The following COL23A1 variants were observed in gnomAD, a reference collection of about 807,000 sequenced individuals.
The protein encoded by COL23A1 is collagen alpha-1(XXIII) chain.
Under a neutral mutation model 99.3 loss-of-function variants are expected in COL23A1, and 97 were observed. That is an observed-to-expected ratio of 0.98 (90% CI 0.83 to 1.16). The LOEUF is 1.16. Among genes scored for constraint, COL23A1 ranks in the 50% most tolerant of loss-of-function variants. The pLI, the probability that COL23A1 is intolerant of heterozygous loss-of-function variation, is 0.00. For synonymous variants in COL23A1, 320 were observed against 308.2 expected (o/e 1.04, Z -0.40); for missense variants, 762 against 757.4 (o/e 1.01, Z -0.07).
intron 2 of COL23A1, among the ~76,000 whole-genome samples, chr5:178,324,005 A>G (rs1759495765): frequency 6.6e-6 from 1 of 152,172 alleles, no homozygotes; most frequent in Admixed American, 6.5e-5. Context: ...AGAAAAAGAA[A>G]TGTGACGGCC....
intron 1 of COL23A1, among the ~76,000 whole-genome samples, chr5:178,587,869 G>A (rs1274964817): frequency 2.0e-5 from 3 of 152,088 alleles, no homozygotes; most frequent in African/African-American, 4.8e-5. Flanking sequence ...GAAACAGGCT[G>A]GTACCCTAAG....
At chr5:178,376,632 T>G (rs1763084567) in intron 2 of COL23A1, among the ~76,000 whole-genome samples, 1 of 152,178 alleles carries the variant, frequency 6.6e-6, no homozygotes, top group South Asian at 2.1e-4. Flanking sequence ...TTACTTCCAT[T>G]TAATAGAAGA....
intron 11 of COL23A1, among the ~76,000 whole-genome samples, chr5:178,260,858 G>A (rs1471825783): frequency 6.6e-6 from 1 of 152,218 alleles, no homozygotes; most frequent in Non-Finnish European, 1.5e-5. Flanking sequence ...AACAGGCGGA[G>A]AACAGAGCAT....
chr5:178,559,316 C>T (rs561286901), intron 2 of COL23A1, among the ~76,000 whole-genome samples: 2 of 152,334 alleles, frequency 1.3e-5, no homozygotes, highest in East Asian at 3.9e-4. Flanking sequence ...GGTTTCCGGA[C>T]ACTTGGCTAA....
At position 178,387,733 on chromosome 5, in the gene COL23A1, G is replaced by T. The variant is rs951939107; in HGVS notation, c.362-80814C>A. ...CTAATGAATGAACGAACGACAATGA[G>T]GCAGTGGGTCTGAGTTCTCCCTACA... On this transcript the variant is annotated intron_variant, in intron 2 of 28. Coordinates refer to ENST00000390654, the MANE Select transcript of COL23A1 (RefSeq NM_173465.4). This position sits in a 1 kb window ranked among gnomAD's most constrained non-coding sequence, Gnocchi z 4.7. Among the ~76,000 whole-genome samples, 2 of 152,194 alleles carry T rather than the reference G, an allele frequency of 1.3e-5. No homozygotes were observed. The highest frequency in any genetic ancestry group is 4.8e-5 in the African/African-American group (2 of 41,438).
intron 2 of COL23A1, among the ~76,000 whole-genome samples, chr5:178,350,631 G>A (rs1420772273): frequency 1.3e-5 from 2 of 152,206 alleles, no homozygotes; most frequent in African/African-American, 4.8e-5. Context: ...GTGTGGATAT[G>A]TTGCAATGAC....
chr5:178,279,810 C>G (rs528060754), intron 5 of COL23A1, among the ~76,000 whole-genome samples: 1 of 152,218 alleles, frequency 6.6e-6, no homozygotes, highest in Non-Finnish European at 1.5e-5. Flanking sequence ...CTTCTGACTT[C>G]GACTCACACC....
intron 18 of COL23A1, among the ~76,000 whole-genome samples, chr5:178,249,716 A>ACTCACTCT (rs1554125190): frequency 4.2e-4 from 39 of 92,806 alleles, no homozygotes; most frequent in Non-Finnish European, 7.2e-4. Flanking sequence ...ACACACACAC[A>ACTCACTCT]CTCTCTCTCT....
At chr5:178,358,417 A>ATGTGTG (rs879041871) in intron 2 of COL23A1, among the ~76,000 whole-genome samples, 1 of 111,502 alleles carries the variant, frequency 9.0e-6, no homozygotes, top group Non-Finnish European at 2.0e-5. Context: ...GTGTATGTGT[A>ATGTGTG]TGTGTGTGTA....
At chr5:178,477,258 T>C (rs1757081070) in intron 2 of COL23A1, among the ~76,000 whole-genome samples, 1 of 152,156 alleles carries the variant, frequency 6.6e-6, no homozygotes, top group South Asian at 2.1e-4. Context: ...CATGAAGTCA[T>C]CTTGGGGCTC....
intron 3 of COL23A1, among the ~76,000 whole-genome samples, chr5:178,305,499 C>T (rs534324797): frequency 6.6e-6 from 1 of 152,214 alleles, no homozygotes; most frequent in Non-Finnish European, 1.5e-5. Flanking sequence ...GGCATTCATT[C>T]GTTCGCTGTT....
chr5:178,240,396 C>T (rs1055990954), intron 27 of COL23A1, among the ~76,000 whole-genome samples: 1 of 152,152 alleles, frequency 6.6e-6, no homozygotes, highest in Non-Finnish European at 1.5e-5. Flanking sequence ...GAGCCAAGGG[C>T]CCTGGCTGCC....
chr5:178,239,236 C>A (rs1019995099), intron 27 of COL23A1, 57 bp from the exon 28 acceptor site: 2 of 1,582,768 alleles, frequency 1.3e-6, no homozygotes, highest in African/African-American at 2.7e-5. Flanking sequence ...TCCTCTACAC[C>A]CCACATGCCC....
chr5:178,279,810 C>T (rs528060754), intron 5 of COL23A1, among the ~76,000 whole-genome samples: 6 of 152,336 alleles, frequency 3.9e-5, no homozygotes, highest in Non-Finnish European at 7.4e-5. Flanking sequence ...CTTCTGACTT[C>T]GACTCACACC....
In COL23A1 at chr5:178,500,860, T is replaced by C. The variant is rs142576292; in HGVS notation, c.361+59822A>G. Among the ~76,000 whole-genome samples the C allele has an allele frequency of 2.8e-3, 418 of 151,936 alleles. 3 individuals are homozygous for C. Among genetic ancestry groups the C allele is most frequent in the African/African-American group, 9.5e-3 (394 of 41,420 alleles). On this transcript the variant is annotated intron_variant, in intron 2 of 28. Transcript: ENST00000390654. The stretch of plus-strand genomic sequence containing the variant: ...AATGAAAAAACAAACAAAAGACAGA[T>C]AAGTGCAACTAGATTAAAATCAAGA...
chr5:178,492,425 G>C (rs141532525), intron 2 of COL23A1, among the ~76,000 whole-genome samples: 1 of 152,120 alleles, frequency 6.6e-6, no homozygotes, highest in African/African-American at 2.4e-5. Flanking sequence ...AGCCGTCTAC[G>C]AGCCAGGAGA....
At chr5:178,312,608 C>T (rs968336317) in intron 2 of COL23A1, among the ~76,000 whole-genome samples, 59 of 147,160 alleles carry the variant, frequency 4.0e-4, no homozygotes, top group African/African-American at 8.0e-4. Context: ...TCCCCAAGGA[C>T]GTCCCCTCTA....
Position 178,435,049 on chromosome 5 carries a change from C to T in COL23A1, c.361+125633G>A, listed in dbSNP as rs539824366. On this transcript the variant is annotated intron_variant, in intron 2 of 28. Coordinates refer to ENST00000390654, the MANE Select transcript of COL23A1 (RefSeq NM_173465.4). Reference sequence around the variant, plus strand: ...CCGGATGCAGGCGCTGTGTGCCCAGCGGGGCGAGCAATAATCTTTTCGTCT... The same window carrying T: ...CCGGATGCAGGCGCTGTGTGCCCAGTGGGGCGAGCAATAATCTTTTCGTCT... Among the ~76,000 whole-genome samples the T allele has an allele frequency of 2.0e-4, 30 of 152,324 alleles. 1 individual carries two copies. Among genetic ancestry groups the T allele is most frequent in the Admixed American group, 1.6e-3 (24 of 15,310 alleles).
intron 5 of COL23A1, among the ~76,000 whole-genome samples, chr5:178,287,876 GTTAATT>G (rs1757242099): frequency 6.6e-6 from 1 of 152,226 alleles, no homozygotes; most frequent in South Asian, 2.1e-4. Context: ...TAGCTTTTGG[GTTAATT>G]TTAAGAGATC....
Sources: gnomAD v4.1 joint callset for allele counts (sites outside exome capture counted in the v4.1 genomes callset) on GRCh38, gnomAD v4.1.1 for gene constraint, Gnocchi (gnomAD v3.1) non-coding constraint, MANE v1.5 for transcripts, NCBI Gene and HGNC (gene_info 2026-07-23, HGNC 2026-07-21) for gene names.